LINGO2: variants seen among roughly 807,000 people sequenced by gnomAD.
LINGO2 encodes leucine rich repeat and Ig domain containing 2.
Under a neutral mutation model 30.6 loss-of-function variants are expected in LINGO2, and 14 were observed. The ratio of observed to expected loss-of-function variants is 0.46; its 90% CI spans 0.30 to 0.72. LINGO2 has a LOEUF of 0.72. Ranked by LOEUF, LINGO2 falls within the 30% of genes least tolerant of loss-of-function variation. LINGO2 has a pLI of 0.07. For missense variants in LINGO2, 729 were observed against 751.7 expected (o/e 0.97, Z 0.35); for synonymous variants, 317 against 288.5 (o/e 1.10, Z -1.00).
the LINGO2 span, among the ~76,000 whole-genome samples, chr9:29,115,320 A>G: frequency 6.6e-6 from 1 of 152,064 alleles, no homozygotes; most frequent in Non-Finnish European, 1.5e-5. Context: ...AAAGTCCACT[A>G]AGAAAAAATA....
In LINGO2 at chr9:28,655,566, C is replaced by G. The variant is rs1304235022; in HGVS notation, c.-365+14634G>C. 7.2e-5 allele frequency among the ~76,000 whole-genome samples: 11 copies of G among 151,994 alleles called. No individual in the cohort carries two copies. The East Asian group carries it at 2.1e-3, about 29-fold the overall frequency. ...AGAATAATATGGTTAGATTTTGTAT[C>G]CTCACCCAAATCTCATCTTGAATTG... is the stretch of plus-strand genomic sequence containing the variant. On this transcript the variant is annotated intron_variant, in intron 1 of 5. Transcript: ENST00000379992.
intron 4 of LINGO2, among the ~76,000 whole-genome samples, chr9:28,042,001 T>C (rs1198003): frequency 1 from 151,802 of 152,268 alleles, 75,672 homozygotes; most frequent in Middle Eastern, 1. Flanking sequence ...AGCTGTATGG[T>C]TTTGGGCAAG....
At chr9:29,193,390 G>A in the LINGO2 span, among the ~76,000 whole-genome samples, 1 of 152,092 alleles carries the variant, frequency 6.6e-6, no homozygotes, top group Non-Finnish European at 1.5e-5. Flanking sequence ...TAGGCATTGT[G>A]AACCTGAATA....
the LINGO2 span, among the ~76,000 whole-genome samples, chr9:28,831,312 T>C: frequency 6.6e-6 from 1 of 151,942 alleles, no homozygotes; most frequent in Non-Finnish European, 1.5e-5. Flanking sequence ...TATAAGAAAA[T>C]AGGGACTGTA....
chr9:28,836,066 G>A, the LINGO2 span, among the ~76,000 whole-genome samples: 1 of 152,182 alleles, frequency 6.6e-6, no homozygotes, highest in Non-Finnish European at 1.5e-5. Flanking sequence ...TAAAGAAGAT[G>A]TCTTCTTTGC....
the LINGO2 span, among the ~76,000 whole-genome samples, chr9:28,970,670 G>C: frequency 6.6e-6 from 1 of 152,068 alleles, no homozygotes; most frequent in Non-Finnish European, 1.5e-5. Context: ...TCCACCCACA[G>C]ACCGGAACAT....
At chr9:29,193,111 A>G in the LINGO2 span, among the ~76,000 whole-genome samples, 1 of 152,178 alleles carries the variant, frequency 6.6e-6, no homozygotes, top group Non-Finnish European at 1.5e-5. Flanking sequence ...GGAGGAGGAT[A>G]TGAAACTAGA....
At chr9:28,581,407 T>C (rs998401243) in intron 1 of LINGO2, among the ~76,000 whole-genome samples, 2 of 151,858 alleles carry the variant, frequency 1.3e-5, no homozygotes, top group South Asian at 4.2e-4. Context: ...TCTAAGTGTA[T>C]AGAAACTTTT....
chr9:29,137,949 T>C, the LINGO2 span, among the ~76,000 whole-genome samples: 22 of 152,052 alleles, frequency 1.4e-4, no homozygotes, highest in Non-Finnish European at 2.4e-4. Flanking sequence ...TATATTATCA[T>C]GTAAAGTGCT....
chr9:28,579,938 A>G (rs1055573742), intron 1 of LINGO2, among the ~76,000 whole-genome samples: 1 of 152,136 alleles, frequency 6.6e-6, no homozygotes, highest in Non-Finnish European at 1.5e-5. Flanking sequence ...TTGATCATGC[A>G]TTACCCAAAA....
At chr9:28,993,047 A>T in the LINGO2 span, among the ~76,000 whole-genome samples, 2 of 152,164 alleles carry the variant, frequency 1.3e-5, no homozygotes, top group Non-Finnish European at 1.5e-5. Context: ...AGACACAAAA[A>T]ACCCTTCAAA....
the LINGO2 span, among the ~76,000 whole-genome samples, chr9:29,186,533 A>C: frequency 6.6e-6 from 1 of 152,130 alleles, no homozygotes. Context: ...CCAGAAAGTA[A>C]AAAGATCCAG....
At chr9:28,141,316 A>G (rs1480443482) in intron 4 of LINGO2, among the ~76,000 whole-genome samples, 5 of 152,204 alleles carry the variant, frequency 3.3e-5, no homozygotes, top group Non-Finnish European at 7.3e-5. Context: ...CAGCCACAGG[A>G]GGAATATTTG....
At chr9:28,661,323 G>T (rs917667329) in intron 1 of LINGO2, among the ~76,000 whole-genome samples, 25 of 152,226 alleles carry the variant, frequency 1.6e-4, no homozygotes, top group African/African-American at 6.0e-4. Context: ...GTTGAAAATA[G>T]GTGAATGAGG....
downstream of LINGO2, chr9:27,944,261 A>G (rs769894488): frequency 6.6e-6 from 1 of 152,214 alleles, no homozygotes; most frequent in Non-Finnish European, 1.5e-5. Flanking sequence ...TTACTTGGCT[A>G]AACCTTGCAA....
At chr9:28,034,372 T>G (rs1258428854) in intron 4 of LINGO2, among the ~76,000 whole-genome samples, 1 of 152,224 alleles carries the variant, frequency 6.6e-6, no homozygotes, top group African/African-American at 2.4e-5. Context: ...GCCCGTTCTA[T>G]TTAGCTCTTC....
chr9:28,413,001 TA>T (rs1175746589), intron 2 of LINGO2, among the ~76,000 whole-genome samples: 1 of 152,148 alleles, frequency 6.6e-6, no homozygotes, highest in Admixed American at 6.6e-5. Context: ...ACTTAATGAA[TA>T]GTAAATACAT....
rs1310760972 is a variant in LINGO2 at position 28,011,907 on chromosome 9, CAAAGGGA to C, written c.-36+441_-36+447del. On this transcript the variant is annotated intron_variant, in intron 5 of 5. Coordinates refer to ENST00000379992, the Ensembl canonical transcript of LINGO2. The stretch of plus-strand genomic sequence containing the variant: ...GTATGCCAACAACTGCCCTGCATGT[CAAAGGGA>C]ATGTTGGTCTCAGCTGTTAACCCCA... Among the ~76,000 whole-genome samples, 729 of 152,232 alleles carry C rather than the reference CAAAGGGA, an allele frequency of 4.8e-3. 10 individuals are homozygous for C. The highest frequency in any genetic ancestry group is 0.017 in the African/African-American group (698 of 41,524).
intron 4 of LINGO2, among the ~76,000 whole-genome samples, chr9:28,040,724 C>T (rs116132609): frequency 0.016 from 2,386 of 152,108 alleles, 50 homozygotes; most frequent in African/African-American, 0.055. Context: ...TTTATTATTC[C>T]TGTTTTACTG....
Sources: gnomAD v4.1 joint callset for allele counts (sites outside exome capture counted in the v4.1 genomes callset) on GRCh38, gnomAD v4.1.1 for gene constraint, MANE v1.5 for transcripts, NCBI Gene and HGNC (gene_info 2026-07-23, HGNC 2026-07-21) for gene names.